The following POLR2B variants were observed in gnomAD, a reference collection of about 807,000 sequenced individuals.
The protein encoded by POLR2B is DNA-directed RNA polymerase II subunit RPB2.
POLR2B carries 57 observed loss-of-function variants against 144.6 expected under a neutral mutation model. The ratio of observed to expected loss-of-function variants is 0.39; its 90% CI spans 0.32 to 0.49. The LOEUF (loss-of-function observed/expected upper bound fraction) is 0.49, where lower values mean the gene tolerates loss of function less well. Among genes scored for constraint, POLR2B ranks in the 20% least tolerant of loss-of-function variants. POLR2B has a pLI of 0.83. For synonymous variants in POLR2B, 442 were observed against 469.8 expected (o/e 0.94, Z 0.77); for missense variants, 595 against 1,467.4 (o/e 0.41, Z 9.71).
intron 3 of POLR2B, 39 bp downstream of exon 3, chr4:56,990,937 T>C: frequency 6.5e-7 from 1 of 1,547,756 alleles, no homozygotes; most frequent in East Asian, 2.3e-5. Context: ...ACAAGAAGCG[T>C]ATTGGTTTGA....
intron 16 of POLR2B, among the ~76,000 whole-genome samples, chr4:57,018,289 A>G (rs533494194): frequency 1.3e-5 from 2 of 152,244 alleles, no homozygotes; most frequent in African/African-American, 2.4e-5. Context: ...GTAGATTACA[A>G]TCAGGTACTG....
intron 23 of POLR2B, among the ~76,000 whole-genome samples, chr4:57,028,092 C>T (rs60292561): frequency 0.03 from 4,524 of 152,246 alleles, 327 homozygotes; most frequent in East Asian, 0.25. Flanking sequence ...CAAATATCTA[C>T]AACATCGTCA....
intron 13 of POLR2B, 43 bp downstream of exon 13, chr4:57,011,143 A>G: frequency 8.1e-7 from 1 of 1,241,774 alleles, no homozygotes; most frequent in Non-Finnish European, 1.2e-6. Context: ...TGAGATTTTT[A>G]AACAAGGCAT....
rs372680204 is a variant in POLR2B at position 57,017,554 on chromosome 4, G to A, written c.2155-6G>A. On this transcript the variant is annotated splice_region_variant and splice_polypyrimidine_tract_variant and intron_variant, in intron 15 of 24. Transcript: ENST00000314595. This position sits in a 1 kb window ranked among gnomAD's most constrained non-coding sequence, Gnocchi z 4.8. ...TGTTGTTTCTGCTTTTCATTTTTAC[G>A]TTTAGTCCCCTAGAAACACATACCA... 15 of 1,582,290 alleles carry A rather than the reference G, an allele frequency of 9.5e-6. No individual in the cohort carries two copies. The highest frequency in any genetic ancestry group is 5.8e-5 in the Admixed American group (3 of 51,568).
intron 5 of POLR2B, 106 bp from the exon 6 acceptor site, chr4:56,995,145 C>T (rs1361819242): frequency 1.3e-6 from 1 of 790,494 alleles, no homozygotes; most frequent in Non-Finnish European, 2.0e-6. Flanking sequence ...TTAAATATTT[C>T]AGTGAGCCTA....
chr4:57,003,824 C>A (rs540891788), intron 7 of POLR2B, among the ~76,000 whole-genome samples: 39 of 150,412 alleles, frequency 2.6e-4, no homozygotes, highest in Admixed American at 2.7e-4. Context: ...GCCTGGGTGA[C>A]AAAGGGAGAC....
At chr4:56,992,731 T>A (rs1201466734) in intron 3 of POLR2B, among the ~76,000 whole-genome samples, 1 of 151,012 alleles carries the variant, frequency 6.6e-6, no homozygotes, top group Non-Finnish European at 1.5e-5. Flanking sequence ...GGCTATTATT[T>A]TTTTGTATTT....
In POLR2B at chr4:56,995,744, A is replaced by T. The variant is rs374627398; in HGVS notation, c.735+335A>T. Reference sequence around the variant, plus strand: ...TAGTTCTTCATTGGCTGTTGGACTGAGTCCCAGGTCTTTGCTCGCTGTTGG... The same window carrying T: ...TAGTTCTTCATTGGCTGTTGGACTGTGTCCCAGGTCTTTGCTCGCTGTTGG... On this transcript the variant is annotated intron_variant, in intron 6 of 24. Coordinates refer to ENST00000314595, the MANE Select transcript of POLR2B (RefSeq NM_000938.3). 4.9e-4 allele frequency among the ~76,000 whole-genome samples: 74 copies of T among 152,288 alleles called. 1 individual carries two copies. In the South Asian group the frequency reaches 0.014, roughly 29 times the overall value.
At chr4:57,009,372 C>G (rs1723120405) in intron 10 of POLR2B, among the ~76,000 whole-genome samples, 1 of 152,026 alleles carries the variant, frequency 6.6e-6, no homozygotes, top group South Asian at 2.1e-4. Context: ...TGTAAGGAGA[C>G]TGGTAGGGGA....
At chr4:57,011,391 G>A (rs115029910) in intron 13 of POLR2B, among the ~76,000 whole-genome samples, 3,679 of 152,280 alleles carry the variant, frequency 0.024, 56 homozygotes, top group Middle Eastern at 0.041. Flanking sequence ...AGCCAGGCAC[G>A]GTGGCATGGG....
chr4:57,027,642 G>A (rs573568549), intron 23 of POLR2B, among the ~76,000 whole-genome samples: 1 of 152,290 alleles, frequency 6.6e-6, no homozygotes, highest in East Asian at 1.9e-4. Context: ...ACACCAAAAC[G>A]GTAAGTTGTA....
At chr4:56,993,196 G>A (rs1367196907) in intron 3 of POLR2B, among the ~76,000 whole-genome samples, 2 of 151,928 alleles carry the variant, frequency 1.3e-5, no homozygotes, top group African/African-American at 4.8e-5. Context: ...CCAGCTACTT[G>A]GGAGGCTGAG....
chr4:57,021,353 C>G (rs932086115), intron 17 of POLR2B, among the ~76,000 whole-genome samples: 2 of 152,160 alleles, frequency 1.3e-5, no homozygotes, highest in East Asian at 1.9e-4. Flanking sequence ...AAACAGACCT[C>G]AAATTCAAGG....
At chr4:56,996,958 A>G (rs1560474888) in intron 6 of POLR2B, among the ~76,000 whole-genome samples, 1 of 152,060 alleles carries the variant, frequency 6.6e-6, no homozygotes, top group Non-Finnish European at 1.5e-5. Context: ...AATTAGCTGG[A>G]TGTGGTGGCA....
intron 3 of POLR2B, among the ~76,000 whole-genome samples, chr4:56,991,747 T>G (rs1722513415): frequency 6.6e-6 from 1 of 152,178 alleles, no homozygotes; most frequent in Admixed American, 6.5e-5. Flanking sequence ...AGGGGGACAT[T>G]AAGTTTCTTT....
chr4:56,980,874 G>A (rs1187067425), intron 1 of POLR2B, among the ~76,000 whole-genome samples: 1 of 150,578 alleles, frequency 6.6e-6, no homozygotes, highest in East Asian at 2.0e-4. Flanking sequence ...GCGCAATCTC[G>A]GCTCACTGTA....
intron 22 of POLR2B, 74 bp downstream of exon 22, chr4:57,025,073 G>A (rs6843644): frequency 0.35 from 266,545 of 763,934 alleles, 47,413 homozygotes; most frequent in South Asian, 0.45. Flanking sequence ...CTGAAACAAT[G>A]TAACCTTTTA....
intron 7 of POLR2B, among the ~76,000 whole-genome samples, chr4:57,003,300 T>G (rs1238758389): frequency 1.3e-5 from 2 of 152,042 alleles, no homozygotes; most frequent in African/African-American, 2.4e-5. Flanking sequence ...CATGGTGGTG[T>G]GCGCCTGTTG....
Position 57,023,855 on chromosome 4 carries a change from A to G in POLR2B, c.2856+104A>G. The G allele has an allele frequency of 1.2e-6, 1 of 859,646 alleles. No individual in the cohort carries two copies. Among genetic ancestry groups the G allele is most frequent in the South Asian group, 1.7e-5 (1 of 58,048 alleles). The allele number at this position is 859,646 out of a possible 1,614,324, so 53.3% of individuals were successfully genotyped here. A position where few individuals can be genotyped will look rare whatever the true frequency, so the allele number is the denominator to read the frequency against. On this transcript the variant is annotated intron_variant, in intron 20 of 24. Transcript: ENST00000314595. This position sits in a 1 kb window ranked among gnomAD's most constrained non-coding sequence, Gnocchi z 4.3. ...AAGAGCTCAAAGATGATACAGGTTGAACTTTTTGATTTTATTGTTGAATAA... is the reference window on the plus strand; with the variant it reads ...AAGAGCTCAAAGATGATACAGGTTGGACTTTTTGATTTTATTGTTGAATAA...
Sources: allele counts gnomAD v4.1 joint callset (sites outside exome capture counted in the v4.1 genomes callset), GRCh38; gene constraint gnomAD v4.1.1; non-coding constraint Gnocchi (gnomAD v3.1); transcripts MANE v1.5; gene names NCBI Gene and HGNC (gene_info 2026-07-23, HGNC 2026-07-21).